Variants in LINGO2 observed in about 807,000 individuals in gnomAD.
LINGO2 encodes leucine rich repeat and Ig domain containing 2.
A neutral mutation model predicts 30.6 loss-of-function variants in LINGO2; 14 were observed. The observed-to-expected ratio is 0.46, with a 90% CI of 0.30 to 0.72. LINGO2 has a LOEUF of 0.72. LINGO2 is among the 30% of genes least tolerant of loss of function. The pLI is 0.07. For missense variants in LINGO2, 729 were observed against 751.7 expected, an observed-to-expected ratio of 0.97 and a Z score of 0.35; for synonymous variants, 317 against 288.5, an observed-to-expected ratio of 1.10 and a Z score of -1.00.
intron 4 of LINGO2, among the ~76,000 whole-genome samples, chr9:28,110,687 T>TA (rs1158670340): frequency 3.9e-5 from 6 of 152,162 alleles, no homozygotes; most frequent in African/African-American, 1.4e-4. Flanking sequence ...CACAATGAGA[T>TA]ACCATCTCAA....
the LINGO2 span, among the ~76,000 whole-genome samples, chr9:28,895,488 G>A: frequency 9.2e-5 from 14 of 152,094 alleles, no homozygotes; most frequent in African/African-American, 2.7e-4. Context: ...CGTATCACCT[G>A]TGTTATTAAT....
rs1457090534 is a variant in LINGO2 at position 28,639,148 on chromosome 9, C to T, written c.-365+31052G>A. Among the ~76,000 whole-genome samples, 7 of 152,224 alleles carry T rather than the reference C, an allele frequency of 4.6e-5. 1 individual carries two copies. Among genetic ancestry groups the T allele is most frequent in the African/African-American group, 1.7e-4 (7 of 41,554 alleles). ...AGCGGTTTTGAGTGAGTTTCTTAAT[C>T]CTGAGTTCTAGTTTCATTGCACTGT... On this transcript the variant is annotated intron_variant, in intron 1 of 5. Transcript: ENST00000379992.
chr9:29,057,362 T>C, the LINGO2 span, among the ~76,000 whole-genome samples: 3 of 152,194 alleles, frequency 2.0e-5, no homozygotes, highest in Non-Finnish European at 2.9e-5. Context: ...TGATAGTAAA[T>C]TGTCTCTACC....
At chr9:28,352,667 G>A (rs1294634627) in intron 3 of LINGO2, among the ~76,000 whole-genome samples, 1 of 125,976 alleles carries the variant, frequency 7.9e-6, no homozygotes, top group South Asian at 3.0e-4. Flanking sequence ...AGTTCATATG[G>A]AACCAAAAAA....
intron 4 of LINGO2, among the ~76,000 whole-genome samples, chr9:28,286,777 T>A (rs117293300): frequency 5.9e-5 from 9 of 151,990 alleles, no homozygotes; most frequent in Non-Finnish European, 1.0e-4. Flanking sequence ...AATGGTCACA[T>A]AGAGGGAAAC....
intron 4 of LINGO2, among the ~76,000 whole-genome samples, chr9:28,078,576 C>T (rs531020509): frequency 6.7e-6 from 1 of 148,396 alleles, no homozygotes; most frequent in African/African-American, 2.6e-5. Context: ...CTCTGCCGGG[C>T]GTGGTGGCTC....
At chr9:28,863,263 TATG>T in the LINGO2 span, among the ~76,000 whole-genome samples, 2 of 152,076 alleles carry the variant, frequency 1.3e-5, no homozygotes, top group South Asian at 2.1e-4. Flanking sequence ...CCAAATAAAA[TATG>T]ATATTTAAAC....
chr9:28,774,078 ACACACT>A, the LINGO2 span, among the ~76,000 whole-genome samples: 4 of 141,008 alleles, frequency 2.8e-5, no homozygotes, highest in Non-Finnish European at 6.1e-5. Context: ...ACACACACAC[ACACACT>A]TACTTTAGCA....
intron 1 of LINGO2, among the ~76,000 whole-genome samples, chr9:28,564,575 T>G (rs1445346660): frequency 6.6e-6 from 1 of 152,076 alleles, no homozygotes; most frequent in Non-Finnish European, 1.5e-5. Context: ...TACCCTGCCT[T>G]AAAGCATTTA....
chr9:28,982,504 G>T, the LINGO2 span, among the ~76,000 whole-genome samples: 4 of 151,842 alleles, frequency 2.6e-5, no homozygotes, highest in African/African-American at 9.7e-5. Context: ...CAAAAACCAG[G>T]TAAGAGCTCA....
intron 3 of LINGO2, among the ~76,000 whole-genome samples, chr9:28,356,224 GA>G (rs1820204322): frequency 6.6e-6 from 1 of 152,012 alleles, no homozygotes; most frequent in Admixed American, 6.6e-5. Flanking sequence ...CAGATGTAGA[GA>G]TTTTTTTAAA....
chr9:28,741,759 G>T, the LINGO2 span, among the ~76,000 whole-genome samples: 11 of 151,916 alleles, frequency 7.2e-5, no homozygotes, highest in African/African-American at 2.7e-4. Context: ...TGATCCTGAG[G>T]CCTGTATCCA....
At chr9:28,212,804 A>G (rs1820637190) in intron 4 of LINGO2, among the ~76,000 whole-genome samples, 1 of 151,510 alleles carries the variant, frequency 6.6e-6, no homozygotes, top group African/African-American at 2.4e-5. Context: ...AATAGCACAG[A>G]CATAGGACAG....
At chr9:29,027,608 G>A in the LINGO2 span, among the ~76,000 whole-genome samples, 3 of 152,132 alleles carry the variant, frequency 2.0e-5, no homozygotes, top group Non-Finnish European at 2.9e-5. Flanking sequence ...AGAGAGCTGC[G>A]ATTACAGGCA....
At chr9:28,087,756 AT>A (rs1168462054) in intron 4 of LINGO2, among the ~76,000 whole-genome samples, 1 of 151,980 alleles carries the variant, frequency 6.6e-6, no homozygotes, top group African/African-American at 2.4e-5. Context: ...AGACAATCTT[AT>A]GGGAATTAGC....
intron 4 of LINGO2, among the ~76,000 whole-genome samples, chr9:28,074,147 AT>A (rs1395441112): frequency 6.6e-6 from 1 of 152,176 alleles, no homozygotes; most frequent in Admixed American, 6.5e-5. Flanking sequence ...TAATTAGGCA[AT>A]GACAACTGCA....
the LINGO2 span, among the ~76,000 whole-genome samples, chr9:28,731,315 A>G: frequency 6.6e-6 from 1 of 152,094 alleles, no homozygotes; most frequent in African/African-American, 2.4e-5. Context: ...CAGTGGGTTA[A>G]TGGTTAAACA....
At chr9:28,201,129 A>T (rs1820217428) in intron 4 of LINGO2, among the ~76,000 whole-genome samples, 1 of 149,646 alleles carries the variant, frequency 6.7e-6, no homozygotes, top group Non-Finnish European at 1.5e-5. Flanking sequence ...CACATTGTGC[A>T]GGTTAGTTAC....
the LINGO2 span, among the ~76,000 whole-genome samples, chr9:28,955,553 G>A: frequency 3.3e-5 from 5 of 152,106 alleles, no homozygotes; most frequent in Admixed American, 1.3e-4. Context: ...AGGTGTCTTG[G>A]TGCATGAGAA....
Sources: allele counts gnomAD v4.1 joint callset (sites outside exome capture counted in the v4.1 genomes callset), GRCh38; gene constraint gnomAD v4.1.1; transcripts MANE v1.5; gene names NCBI Gene and HGNC (gene_info 2026-07-23, HGNC 2026-07-21).